Variants in ANKRD45 observed in about 807,000 individuals in gnomAD.
The protein encoded by ANKRD45 is ankyrin repeat domain 45.
ANKRD45 carries 21 observed loss-of-function variants against 28.1 expected under a neutral mutation model. That is an observed-to-expected ratio of 0.75 (90% confidence interval 0.53 to 1.08). The LOEUF (loss-of-function observed/expected upper bound fraction) is 1.08. ANKRD45 is among the 50% of genes least tolerant of loss of function. The probability of loss-of-function intolerance (pLI) is 0.00; values close to 1 mark genes in which losing one functional copy is unlikely to be tolerated. For missense variants in ANKRD45, 261 were observed against 308.7 expected (o/e 0.85, Z 1.16); for synonymous variants, 86 against 103.9 (o/e 0.83, Z 1.05).
chr1:173,620,846 T>C (rs1388858049), intron 5 of ANKRD45, among the ~76,000 whole-genome samples: 1 of 151,522 alleles, frequency 6.6e-6, no homozygotes, highest in East Asian at 1.9e-4. Context: ...AAAAAACCCT[T>C]CAAAAAAATC....
At chr1:173,690,062 G>GC in the ANKRD45 span, among the ~76,000 whole-genome samples, 488 of 52,674 alleles carry the variant, frequency 9.3e-3, 9 homozygotes, top group South Asian at 0.054. Context: ...CCTGCCCCCC[G>GC]CCCCCCCCCC....
At position 173,609,196 on chromosome 1, in the gene ANKRD45, A is replaced by G. The variant is rs1014424708; in HGVS notation, c.*949T>C. 6.6e-6 allele frequency among the ~76,000 whole-genome samples: 1 copy of G among 152,220 alleles called. No individual in the cohort carries two copies. The highest frequency in any genetic ancestry group is 1.5e-5 in the Non-Finnish European group (1 of 68,038). On this transcript the variant is annotated 3_prime_UTR_variant, in exon 6 of 6. Transcript: ENST00000333279. ...GAGACATTTAAAACAGGGTTATCTC[A>G]AAACCATGGTTAAATAAATGTCAAC...
upstream of ANKRD45, among the ~76,000 whole-genome samples, chr1:173,673,002 A>G (rs1227388816): frequency 6.6e-6 from 1 of 152,152 alleles, no homozygotes; most frequent in Non-Finnish European, 1.5e-5. Flanking sequence ...CCCCTCCAGA[A>G]AATTATGGTA....
chr1:173,703,045 C>T, the ANKRD45 span, among the ~76,000 whole-genome samples: 27,919 of 151,750 alleles, frequency 0.18, 2,637 homozygotes, highest in Middle Eastern at 0.34. Context: ...CTTCTTATTT[C>T]ATTTTTTTGA....
At chr1:173,650,100 C>T (rs766378293) in intron 2 of ANKRD45, among the ~76,000 whole-genome samples, 6 of 151,998 alleles carry the variant, frequency 3.9e-5, no homozygotes, top group Non-Finnish European at 8.8e-5. Context: ...AAATGTCTTA[C>T]AATTCTTATT....
At chr1:173,703,200 C>G in the ANKRD45 span, among the ~76,000 whole-genome samples, 2 of 148,588 alleles carry the variant, frequency 1.3e-5, no homozygotes, top group African/African-American at 5.0e-5. Context: ...TCCACTATAC[C>G]CAGCTAATTT....
At chr1:173,658,972 A>G (rs550535043) in intron 2 of ANKRD45, 119 bp downstream of exon 2, 1 of 1,360,678 alleles carries the variant, frequency 7.3e-7, no homozygotes, top group South Asian at 1.5e-5. Flanking sequence ...ATATAGATGT[A>G]TATACACATA....
intron 5 of ANKRD45, among the ~76,000 whole-genome samples, chr1:173,612,258 G>T (rs1667187192): frequency 6.9e-6 from 1 of 144,260 alleles, no homozygotes; most frequent in African/African-American, 2.6e-5. Flanking sequence ...ATGAAAGAAA[G>T]AAAAGAAAGA....
chr1:173,710,510 G>A, the ANKRD45 span, among the ~76,000 whole-genome samples: 1 of 152,158 alleles, frequency 6.6e-6, no homozygotes, highest in Non-Finnish European at 1.5e-5. Context: ...TGGGTTGTCC[G>A]CATGTGCAAT....
chr1:173,674,585 G>A (rs1232437755), upstream of ANKRD45, among the ~76,000 whole-genome samples: 1 of 152,160 alleles, frequency 6.6e-6, no homozygotes, highest in Non-Finnish European at 1.5e-5. Context: ...TATGTGAGAT[G>A]AACATTGGTT....
At chr1:173,680,475 T>TGGGG in the ANKRD45 span, among the ~76,000 whole-genome samples, 2 of 151,098 alleles carry the variant, frequency 1.3e-5, no homozygotes, top group East Asian at 3.9e-4. Flanking sequence ...CACTCATAAG[T>TGGGG]GGGAGTTGAA....
chr1:173,700,328 G>T, the ANKRD45 span, among the ~76,000 whole-genome samples: 1 of 152,114 alleles, frequency 6.6e-6, no homozygotes, highest in African/African-American at 2.4e-5. Flanking sequence ...CTACTTTAAA[G>T]TTCATATGGA....
chr1:173,699,366 C>T, the ANKRD45 span, among the ~76,000 whole-genome samples: 59 of 152,020 alleles, frequency 3.9e-4, no homozygotes, highest in South Asian at 0.012. Context: ...AGAGATACAA[C>T]AAAAAAAGAG....
the ANKRD45 span, among the ~76,000 whole-genome samples, chr1:173,695,679 T>C: frequency 6.6e-6 from 1 of 152,202 alleles, no homozygotes; most frequent in African/African-American, 2.4e-5. Context: ...TGTGTGTGTC[T>C]TTTTGGCAGA....
intron 3 of ANKRD45, among the ~76,000 whole-genome samples, chr1:173,633,777 G>C (rs1668295495): frequency 6.6e-6 from 1 of 151,992 alleles, no homozygotes; most frequent in Non-Finnish European, 1.5e-5. Flanking sequence ...GGGAAAACTG[G>C]ATATCCATAA....
At chr1:173,680,408 A>G in the ANKRD45 span, among the ~76,000 whole-genome samples, 1 of 152,178 alleles carries the variant, frequency 6.6e-6, no homozygotes, top group Non-Finnish European at 1.5e-5. Flanking sequence ...ATGAAGCTGG[A>G]AACCATCATT....
chr1:173,659,367 G>C lies in ANKRD45; in HGVS notation c.52C>G (p.Gln18Glu). The change falls in exon 2 of 6, where the codon CAA becomes GAA. Residue 18 changes from glutamine (Q) to glutamate (E), a missense_variant. Coordinates refer to ENST00000333279, the MANE Select transcript of ANKRD45 (RefSeq NM_198493.3). The stretch of plus-strand genomic sequence containing the variant: ...TCTTCTTCTTCATTTTCCTCTTCTT[G>C]CTGTGAGAAAAATTCTGAACTCTCT... ...ESESSEFFSQ[Q>E]EEENEEEEAQ... 6.2e-7 allele frequency: 1 copy of C among 1,606,690 alleles called. No individual in the cohort carries two copies. The highest frequency in any genetic ancestry group is 1.7e-4 in the Middle Eastern group (1 of 6,000).
At chr1:173,636,146 G>C (rs530615060) in intron 3 of ANKRD45, among the ~76,000 whole-genome samples, 61 of 152,132 alleles carry the variant, frequency 4.0e-4, no homozygotes, top group African/African-American at 1.4e-3. Context: ...TATCTGTCTG[G>C]GTCCTTAGGT....
At chr1:173,694,054 T>A in the ANKRD45 span, among the ~76,000 whole-genome samples, 1 of 152,170 alleles carries the variant, frequency 6.6e-6, no homozygotes, top group Non-Finnish European at 1.5e-5. Context: ...AGGAGGAGTA[T>A]CCCAGGGAAA....
Sources: allele counts gnomAD v4.1 joint callset (sites outside exome capture counted in the v4.1 genomes callset), GRCh38; gene constraint gnomAD v4.1.1; transcripts MANE v1.5; gene names NCBI Gene and HGNC (gene_info 2026-07-23, HGNC 2026-07-21).